SYT2: variants seen among roughly 807,000 people sequenced by gnomAD.
SYT2 encodes synaptotagmin 2, also known as synaptotagmin-2.
SYT2 carries 15 observed loss-of-function variants against 39.9 expected under a neutral mutation model. That is an observed-to-expected ratio of 0.38 (90% CI 0.25 to 0.58). The LOEUF (loss-of-function observed/expected upper bound fraction) is 0.58. Ranked by LOEUF, SYT2 falls within the 20% of genes least tolerant of loss-of-function variation. SYT2 has a pLI of 0.70. For synonymous variants in SYT2, 181 were observed against 204.5 expected, an observed-to-expected ratio of 0.89 and a Z score of 0.98; for missense variants, 389 against 530.3, an observed-to-expected ratio of 0.73 and a Z score of 2.62.
chr1:202,654,619 T>C (rs113578950), intron 1 of SYT2, among the ~76,000 whole-genome samples: 2,109 of 152,124 alleles, frequency 0.014, 53 homozygotes, highest in African/African-American at 0.048. Flanking sequence ...CTTGGAGAGG[T>C]GACACTGATC....
intron 1 of SYT2, among the ~76,000 whole-genome samples, chr1:202,688,381 C>A (rs1653726535): frequency 6.6e-6 from 1 of 152,220 alleles, no homozygotes; most frequent in Non-Finnish European, 1.5e-5. Flanking sequence ...CCGTGGGCGG[C>A]ACAGTCGAGG....
chr1:202,709,204 C>T (rs1654328063), intron 1 of SYT2, among the ~76,000 whole-genome samples: 1 of 152,190 alleles, frequency 6.6e-6, no homozygotes, highest in Non-Finnish European at 1.5e-5. Context: ...CCTCCTGGGC[C>T]AGCACCTCTT....
intron 1 of SYT2, chr1:202,632,188 G>A (rs1394867473): frequency 4.5e-6 from 3 of 662,234 alleles, no homozygotes; most frequent in East Asian, 2.7e-4. Context: ...TGCTGTGGGG[G>A]TCTCAGGAAG....
At chr1:202,652,452 T>C (rs911334005) in intron 1 of SYT2, among the ~76,000 whole-genome samples, 1 of 152,180 alleles carries the variant, frequency 6.6e-6, no homozygotes, top group African/African-American at 2.4e-5. Context: ...AGATCAACTT[T>C]AGTGCACCAA....
intron 1 of SYT2, among the ~76,000 whole-genome samples, chr1:202,637,485 C>T (rs543588012): frequency 1.1e-4 from 17 of 152,336 alleles, no homozygotes; most frequent in South Asian, 4.1e-4. Flanking sequence ...CTCACCCAGG[C>T]GCCATGTGCT....
chr1:202,654,599 G>C (rs150088726), intron 1 of SYT2, among the ~76,000 whole-genome samples: 1 of 152,216 alleles, frequency 6.6e-6, no homozygotes, highest in African/African-American at 2.4e-5. Flanking sequence ...CTCATGGGGA[G>C]TTCATCCTAC....
chr1:202,647,691 A>G (rs1345995425), intron 1 of SYT2, among the ~76,000 whole-genome samples: 2 of 152,184 alleles, frequency 1.3e-5, no homozygotes, highest in African/African-American at 2.4e-5. Flanking sequence ...GACCTGTCCA[A>G]ACAAAATAAT....
At chr1:202,687,381 G>T (rs188946151) in intron 1 of SYT2, among the ~76,000 whole-genome samples, 98 of 152,190 alleles carry the variant, frequency 6.4e-4, no homozygotes, top group African/African-American at 2.3e-3. Flanking sequence ...TCATCTCTAC[G>T]TGAGTTACTC....
At chr1:202,625,695 C>A (rs1229336255) in intron 1 of SYT2, among the ~76,000 whole-genome samples, 2 of 152,142 alleles carry the variant, frequency 1.3e-5, no homozygotes, top group African/African-American at 4.8e-5. Flanking sequence ...CGCACCCCCG[C>A]CAGGCTCCCT....
chr1:202,639,774 C>A (rs527736832), intron 1 of SYT2: 16 of 985,456 alleles, frequency 1.6e-5, no homozygotes, highest in South Asian at 9.4e-5. Context: ...CTAGAGCATG[C>A]AAACTCCTGG....
At chr1:202,660,440 G>C (rs556178287) in intron 1 of SYT2, among the ~76,000 whole-genome samples, 1 of 152,256 alleles carries the variant, frequency 6.6e-6, no homozygotes, top group South Asian at 2.1e-4. Context: ...AGGTGAGAAA[G>C]ACAGGAATCT....
chr1:202,683,608 G>T (rs553346790), intron 1 of SYT2, among the ~76,000 whole-genome samples: 7 of 152,066 alleles, frequency 4.6e-5, no homozygotes, highest in Non-Finnish European at 1.0e-4. Context: ...GAACGTGGTG[G>T]TGCATGCCTG....
At chr1:202,613,793 A>G (rs772462649) in intron 1 of SYT2, among the ~76,000 whole-genome samples, 61 of 152,172 alleles carry the variant, frequency 4.0e-4, no homozygotes, top group Non-Finnish European at 6.8e-4. Context: ...CAGGGCAGGC[A>G]GGAGGCAGCA....
chr1:202,599,410 G>A lies in SYT2; in HGVS notation c.920-59C>T, dbSNP rs147123478. ...CCCCTTAGCCCCCAGCCTTCCTGCC[G>A]AATGTACCAAGGCCTGCCCAGAGCA... is the stretch of plus-strand genomic sequence containing the variant. On this transcript the variant is annotated intron_variant, in intron 7 of 8. Transcript: ENST00000367268. This position sits in a 1 kb window ranked among gnomAD's most constrained non-coding sequence, Gnocchi z 4.4. The A allele has an allele frequency of 7.9e-3, 12,241 of 1,540,292 alleles. 65 individuals are homozygous for A. The highest frequency in any genetic ancestry group is 9.0e-3 in the Non-Finnish European group (10,351 of 1,150,488).
At chr1:202,676,375 C>A (rs1197302188) in intron 1 of SYT2, among the ~76,000 whole-genome samples, 1 of 152,256 alleles carries the variant, frequency 6.6e-6, no homozygotes, top group Non-Finnish European at 1.5e-5. Flanking sequence ...CCCACCCTCT[C>A]TGAACTCCTC....
rs1265102372 is a variant in SYT2, at chr1:202,614,674, T to C, written c.-17-8885A>G. The stretch of plus-strand genomic sequence containing the variant: ...AGTGCTTTCTTGAAAAATTGATGAT[T>C]GAACTGAGACCTGAAGGGTGAGTAT... On this transcript the variant is annotated intron_variant, in intron 1 of 8. Coordinates refer to ENST00000367268, the MANE Select transcript of SYT2 (RefSeq NM_177402.5). The surrounding 1 kb of genome is among the most constrained non-coding windows in gnomAD (Gnocchi z 4.0). Among the ~76,000 whole-genome samples the C allele has an allele frequency of 6.6e-6, 1 of 152,174 alleles. No homozygotes were observed. The highest frequency in any genetic ancestry group is 2.4e-5 in the African/African-American group (1 of 41,432).
intron 1 of SYT2, among the ~76,000 whole-genome samples, chr1:202,617,888 C>T (rs1245409080): frequency 6.6e-6 from 1 of 152,164 alleles, no homozygotes; most frequent in Non-Finnish European, 1.5e-5. Flanking sequence ...TTGGGACGCT[C>T]ACTTGTTTAC....
chr1:202,709,159 G>C (rs915076392), intron 1 of SYT2, among the ~76,000 whole-genome samples: 1 of 152,128 alleles, frequency 6.6e-6, no homozygotes, highest in Admixed American at 6.5e-5. Context: ...ACCTGCCCAC[G>C]GGGCCTCTGC....
intron 1 of SYT2, among the ~76,000 whole-genome samples, chr1:202,629,414 C>T (rs1478834735): frequency 6.6e-6 from 1 of 152,204 alleles, no homozygotes; most frequent in Non-Finnish European, 1.5e-5. Context: ...TGCTAAGTCT[C>T]TATTTTGGTT....
Sources: allele counts gnomAD v4.1 joint callset (sites outside exome capture counted in the v4.1 genomes callset), GRCh38; gene constraint gnomAD v4.1.1; non-coding constraint Gnocchi (gnomAD v3.1); transcripts MANE v1.5; gene names NCBI Gene and HGNC (gene_info 2026-07-23, HGNC 2026-07-21).